The following GPX6 variants were observed in gnomAD, a reference collection of about 807,000 sequenced individuals.
GPX6 encodes glutathione peroxidase 6, also known as glutathione peroxidase 6 (olfactory).
In GPX6, 21 loss-of-function variants were observed where a neutral mutation model predicts 20.0. The observed-to-expected ratio is 1.05, with a 90% CI of 0.74 to 1.51. The LOEUF is 1.51. Ranked by LOEUF, GPX6 falls within the 40% of genes most tolerant of loss-of-function variation. The probability of loss-of-function intolerance (pLI) is 0.00; values close to 1 mark genes in which losing one functional copy is unlikely to be tolerated. For synonymous variants in GPX6, 75 were observed against 98.0 expected (o/e 0.77, Z 1.38); for missense variants, 233 against 254.7 (o/e 0.91, Z 0.58).
At chr6:28,513,939 AG>A (rs1762976232) in intron 1 of GPX6, among the ~76,000 whole-genome samples, 1 of 152,216 alleles carries the variant, frequency 6.6e-6, no homozygotes, top group South Asian at 2.1e-4. Flanking sequence ...GGCTTGACCA[AG>A]GGGCAAGCCC....
chr6:28,505,822 T>C lies in GPX6; in HGVS notation c.360-20A>G. On this transcript the variant is annotated intron_variant, in intron 3 of 4. Transcript: ENST00000361902. ...ACATACCTGCAGTGAACCAAAGTTG[T>C]TCCCAGCAAGATACAAATTAAGACA... 6.3e-7 allele frequency: 1 copy of C among 1,588,052 alleles called. No individual in the cohort carries two copies. The highest frequency in any genetic ancestry group is 8.6e-7 in the Non-Finnish European group (1 of 1,156,354).
chr6:28,510,845 G>C lies in GPX6; in HGVS notation c.147C>G (p.Asn49Lys), dbSNP rs767523979. ...GCTTGAATTGGATGTACTCCTCGCCGTTGAGGGTGAGGGCTCCATACTCAT... is the reference window on the plus strand; with the variant it reads ...GCTTGAATTGGATGTACTCCTCGCCCTTGAGGGTGAGGGCTCCATACTCAT... ...TIYEYGALTL[N>K]GEEYIQFKQF... The change falls in exon 2 of 5, where the codon AAC (asparagine) becomes AAG (lysine). Residue 49 changes from asparagine to lysine, a missense_variant. Physicochemically the swap from Asn to Lys is moderately conservative, Grantham distance 94. Transcript: ENST00000361902. The C allele has an allele frequency of 6.2e-7, 1 of 1,613,860 alleles. No homozygotes were observed. The highest frequency in any genetic ancestry group is 1.3e-5 in the African/African-American group (1 of 75,028).
chr6:28,510,713 A>C, intron 2 of GPX6, 38 bp downstream of exon 2: 15 of 1,596,662 alleles, frequency 9.4e-6, no homozygotes, highest in Non-Finnish European at 1.3e-5. Context: ...GCTATCTGGC[A>C]ATGCTGCTTC....
rs1562004242 is a variant in GPX6, at chr6:28,515,720, G to A, written c.24C>T (p.Ser8=). The change falls in exon 1 of 5, where the codon TCC becomes TCT. Residue 8 remains serine, a synonymous_variant. Transcript: ENST00000361902. ...CAACCAGGAAAAACAGGACAAGACAGGAGGCCTGGAACTGCTGGAACATGG... is the reference window on the plus strand; with the variant it reads ...CAACCAGGAAAAACAGGACAAGACAAGAGGCCTGGAACTGCTGGAACATGG... MFQQFQA[S]CLVLFFLVGF... is the part of the protein sequence containing the mutation. The A allele has an allele frequency of 2.8e-5, 45 of 1,613,868 alleles. No homozygotes were observed. The East Asian group carries it at 9.4e-4, about 34-fold the overall frequency.
chr6:28,510,904 C>A lies in GPX6; in HGVS notation c.88G>T (p.Val30Leu). 6.3e-7 allele frequency: 1 copy of A among 1,592,832 alleles called. No individual in the cohort carries two copies. Among genetic ancestry groups the A allele is most frequent in the South Asian group, 1.1e-5 (1 of 87,642 alleles). ...CCTGTTACCCCTTTGTTGCAATCCA[C>A]CTGGAATTTTACAAAAATAACCATA... ...QQTLKPQNRK[V>L]DCNKGVTGTI... Residue 30 changes from valine (V) to leucine (L), a missense_variant and splice_region_variant, in exon 2 of 5, where the codon GTG becomes TTG. Transcript: ENST00000361902.
chr6:28,515,671 G>C lies in GPX6; in HGVS notation c.73C>G (p.Pro25Ala). 3 of 1,613,856 alleles carry C rather than the reference G, an allele frequency of 1.9e-6. No homozygotes were observed. The highest frequency in any genetic ancestry group is 4.5e-5 in the East Asian group (2 of 44,884). ...CCCATGCTCACCTTCCTATTTTGAG[G>C]CTTTAGGGTCTGCTGAGCAAAGCCA... ...LVGFAQQTLKPQNRKVDCNKG... is the reference protein window; with the variant it reads ...LVGFAQQTLKAQNRKVDCNKG... The change falls in exon 1 of 5, where the codon CCT (proline) becomes GCT (alanine). Residue 25 changes from proline (P) to alanine (A), a missense_variant. Transcript: ENST00000361902.
chr6:28,515,702 GA>G lies in GPX6; in HGVS notation c.41del (p.Phe14SerfsTer10), dbSNP rs770876697. The stretch of plus-strand genomic sequence containing the variant: ...GGGTCTGCTGAGCAAAGCCAACCAG[GA>G]AAAACAGGACAAGACAGGAGGCCTG... ...QFQASCLVLF[F>X]LVGFAQQTLK... is the part of the protein sequence containing the mutation. On this transcript the variant is annotated frameshift_variant, in exon 1 of 5. Coordinates refer to ENST00000361902, the MANE Select transcript of GPX6 (RefSeq NM_182701.1). LOFTEE classifies it high-confidence loss of function. 5.1e-5 allele frequency: 83 copies of G among 1,613,882 alleles called. No homozygotes were observed. The highest frequency in any genetic ancestry group is 6.9e-5 in the Non-Finnish European group (82 of 1,179,922).
At position 28,503,633 on chromosome 6, in the gene GPX6, C is replaced by A. The variant is rs1312108099; in HGVS notation, c.*659G>T. 2 of 152,534 alleles carry A rather than the reference C, an allele frequency of 1.3e-5. No individual in the cohort carries two copies. The highest frequency in any genetic ancestry group is 4.8e-5 in the African/African-American group (2 of 41,430). The allele number at this position is 152,534 out of a possible 1,614,324, so 9.4% of individuals were successfully genotyped here. A position where few individuals can be genotyped will look rare whatever the true frequency, so the allele number is the denominator to read the frequency against. ...CAAGGAAGGCTCTGGCAGGGTGCGACCCAGAGGGGTTTTGGGATCCACCAT... is the reference window on the plus strand; with the variant it reads ...CAAGGAAGGCTCTGGCAGGGTGCGAACCAGAGGGGTTTTGGGATCCACCAT... On this transcript the variant is annotated 3_prime_UTR_variant, in exon 5 of 5. Transcript: ENST00000361902.
chr6:28,511,623 A>G (rs891223360), intron 1 of GPX6, among the ~76,000 whole-genome samples: 2 of 152,266 alleles, frequency 1.3e-5, no homozygotes, highest in Non-Finnish European at 2.9e-5. Context: ...AACACACTCA[A>G]CTGGCTGGAC....
rs1762799253 is a variant in GPX6 at position 28,505,565 on chromosome 6, C to T, written c.459+138G>A. ...TCCTCTACTTAAAGCTAAAGCATCACAGCAGATATTGCCATGAGCCTTGAA... is the reference window on the plus strand; with the variant it reads ...TCCTCTACTTAAAGCTAAAGCATCATAGCAGATATTGCCATGAGCCTTGAA... On this transcript the variant is annotated intron_variant, in intron 4 of 4. Coordinates refer to ENST00000361902, the MANE Select transcript of GPX6 (RefSeq NM_182701.1). 6.3e-6 allele frequency: 4 copies of T among 637,606 alleles called. No homozygotes were observed. In the South Asian group the frequency reaches 7.7e-5, roughly 12 times the overall value. The allele number at this position is 637,606 out of a possible 1,614,324, so 39.5% of individuals were successfully genotyped here. A position where few individuals can be genotyped will look rare whatever the true frequency, so the allele number is the denominator to read the frequency against.
chr6:28,511,855 G>A (rs1203200696), intron 1 of GPX6, among the ~76,000 whole-genome samples: 1 of 152,266 alleles, frequency 6.6e-6, no homozygotes, highest in Non-Finnish European at 1.5e-5. Context: ...GGCGCTGGAG[G>A]GAACCAGGGC....
At chr6:28,506,694 T>C (rs1468101117) in intron 2 of GPX6, among the ~76,000 whole-genome samples, 48 of 80,568 alleles carry the variant, frequency 6.0e-4, no homozygotes, top group Non-Finnish European at 8.7e-4. Flanking sequence ...AGAACTCTTA[T>C]TTTTTTTTTT....
intron 1 of GPX6, among the ~76,000 whole-genome samples, chr6:28,513,525 C>G (rs950167106): frequency 2.0e-5 from 3 of 152,174 alleles, no homozygotes; most frequent in Non-Finnish European, 4.4e-5. Context: ...TCGCTGGTAC[C>G]TTGAAAACTC....
rs6922986 is a variant in GPX6 at position 28,510,818 on chromosome 6, C to A, written c.174G>T (p.Gln58His). ...LNGEEYIQFK[Q>H]FAGKHVLFVN... The stretch of plus-strand genomic sequence containing the variant: ...CAAACAGGACGTGCTTGCCTGCAAA[C>A]TGCTTGAATTGGATGTACTCCTCGC... Residue 58 changes from glutamine (Q) to histidine (H), a missense_variant, in exon 2 of 5, where the codon CAG becomes CAT. By Grantham distance (24) the Gln-to-His change is conservative (BLOSUM62 0). Transcript: ENST00000361902. 3.6e-4 allele frequency: 584 copies of A among 1,614,148 alleles called. No individual in the cohort carries two copies. The African/African-American group carries it at 6.5e-3, about 18-fold the overall frequency.
chr6:28,513,874 CTG>C (rs1762974881), intron 1 of GPX6, among the ~76,000 whole-genome samples: 1 of 152,194 alleles, frequency 6.6e-6, no homozygotes, highest in Non-Finnish European at 1.5e-5. Context: ...TCTTCTGAGT[CTG>C]TTACCACGAC....
At chr6:28,505,233 G>T (rs1379313776) in intron 4 of GPX6, among the ~76,000 whole-genome samples, 8 of 152,176 alleles carry the variant, frequency 5.3e-5, no homozygotes, top group African/African-American at 1.9e-4. Context: ...AGCAGGACCA[G>T]CATTGTTCTG....
Position 28,504,410 on chromosome 6 carries a change from A to G in GPX6, c.548T>C (p.Phe183Ser). 6.2e-7 allele frequency: 1 copy of G among 1,614,202 alleles called. No homozygotes were observed. The highest frequency in any genetic ancestry group is 8.5e-7 in the Non-Finnish European group (1 of 1,180,040). Residue 183 changes from phenylalanine (F) to serine (S), a missense_variant, in exon 5 of 5, where the codon TTT (phenylalanine) becomes TCT (serine). Transcript: ENST00000361902. ...PMKVHDIRWN[F>S]EKFLVGPDGV... is the part of the protein sequence containing the mutation. ...ATCGGGCCCCACCAGAAATTTCTCA[A>G]AGTTCCAGCGGATATCATGGACCTT...
chr6:28,510,890 T>G lies in GPX6; in HGVS notation c.102A>C (p.Lys34Asn), dbSNP rs1388273645. ...ACTCATAGATGGTGCCTGTTACCCC[T>G]TTGTTGCAATCCACCTGGAATTTTA... ...KPQNRKVDCN[K>N]GVTGTIYEYG... Residue 34 changes from lysine (K) to asparagine (N), a missense_variant, in exon 2 of 5, where the codon AAA (lysine) becomes AAC (asparagine). Physicochemically the swap from Lys to Asn is moderately conservative, Grantham distance 94. Coordinates refer to ENST00000361902, the MANE Select transcript of GPX6 (RefSeq NM_182701.1). 1 of 1,604,534 alleles carries G rather than the reference T, an allele frequency of 6.2e-7. No homozygotes were observed. Among genetic ancestry groups the G allele is most frequent in the East Asian group, 2.2e-5 (1 of 44,712 alleles).
chr6:28,513,113 A>G (rs1455999981), intron 1 of GPX6, among the ~76,000 whole-genome samples: 2 of 152,168 alleles, frequency 1.3e-5, no homozygotes, highest in African/African-American at 2.4e-5. Context: ...GGGAAAAACC[A>G]TCTCTCTTTT....
Sources: allele counts gnomAD v4.1 joint callset (sites outside exome capture counted in the v4.1 genomes callset), GRCh38; gene constraint gnomAD v4.1.1; transcripts MANE v1.5; gene names NCBI Gene and HGNC (gene_info 2026-07-23, HGNC 2026-07-21).